Variants in GPC5 observed in about 807,000 individuals in gnomAD.
The protein encoded by GPC5 is glypican 5, also known as glypican-5.
GPC5 carries 47 observed loss-of-function variants against 53.9 expected under a neutral mutation model. The observed-to-expected ratio is 0.87, with a 90% confidence interval of 0.69 to 1.11. GPC5 has a LOEUF of 1.11. GPC5 is among the 50% of genes most tolerant of loss of function. GPC5 has a pLI of 0.00. For missense variants in GPC5, 748 were observed against 713.1 expected (o/e 1.05, Z -0.56); for synonymous variants, 286 against 263.3 (o/e 1.09, Z -0.84).
chr13:92,702,090 T>C (rs974005252), intron 7 of GPC5, among the ~76,000 whole-genome samples: 1 of 152,144 alleles, frequency 6.6e-6, no homozygotes, highest in African/African-American at 2.4e-5. Context: ...GCTTGCAGAA[T>C]ACCAAGCACT....
intron 7 of GPC5, among the ~76,000 whole-genome samples, chr13:92,351,258 C>T (rs1178998596): frequency 6.6e-6 from 1 of 151,428 alleles, no homozygotes; most frequent in Non-Finnish European, 1.5e-5. Flanking sequence ...TAACTACATA[C>T]AAAGTAGAGA....
intron 7 of GPC5, among the ~76,000 whole-genome samples, chr13:92,151,753 G>T (rs1454991178): frequency 6.6e-6 from 1 of 152,138 alleles, no homozygotes; most frequent in Non-Finnish European, 1.5e-5. Context: ...ATTTGGTGAT[G>T]AACACAGAAG....
intron 7 of GPC5, among the ~76,000 whole-genome samples, chr13:92,175,356 G>A (rs1191252075): frequency 6.6e-6 from 1 of 152,006 alleles, no homozygotes; most frequent in Non-Finnish European, 1.5e-5. Context: ...TCTAAATAGG[G>A]CTTGACACCT....
At position 91,398,709 on chromosome 13, in the gene GPC5, G is replaced by A; in HGVS notation, c.-338G>A. The A allele has an allele frequency of 7.7e-6, 2 of 259,476 alleles. No homozygotes were observed. The highest frequency in any genetic ancestry group is 1.4e-5 in the Non-Finnish European group (2 of 139,686). The allele number at this position is 259,476 out of a possible 1,614,324, so 16.1% of individuals were successfully genotyped here. On this transcript the variant is annotated 5_prime_UTR_variant, in exon 1 of 8. Transcript: ENST00000377067. ...GGCAGTGGCGGCAGTGGCGGCAGCGGCAGCAGTTGCAGCAGTGGTGGCCAG... is the reference window on the plus strand; with the variant it reads ...GGCAGTGGCGGCAGTGGCGGCAGCGACAGCAGTTGCAGCAGTGGTGGCCAG...
chr13:91,417,920 G>T (rs1023653292), intron 1 of GPC5, among the ~76,000 whole-genome samples: 1 of 152,022 alleles, frequency 6.6e-6, no homozygotes, highest in Non-Finnish European at 1.5e-5. Context: ...ACTTTCTGAG[G>T]TTTCAGTTAC....
chr13:92,331,063 G>C (rs749227049), intron 7 of GPC5, among the ~76,000 whole-genome samples: 4 of 152,070 alleles, frequency 2.6e-5, no homozygotes, highest in Non-Finnish European at 5.9e-5. Context: ...ACAAGAAAAG[G>C]TCTAAATAGA....
chr13:92,736,270 A>G (rs1888933040), intron 7 of GPC5, among the ~76,000 whole-genome samples: 1 of 152,004 alleles, frequency 6.6e-6, no homozygotes, highest in African/African-American at 2.4e-5. Flanking sequence ...ACCCAAATAT[A>G]TTCTGCTTTG....
At chr13:92,334,255 C>T (rs9584020) in intron 7 of GPC5, among the ~76,000 whole-genome samples, 30,157 of 152,138 alleles carry the variant, frequency 0.2, 3,154 homozygotes, top group South Asian at 0.36. Context: ...AAAGGCATGT[C>T]TTACATGGCA....
intron 6 of GPC5, among the ~76,000 whole-genome samples, chr13:92,091,763 G>GAA (rs758069084): frequency 1.5e-4 from 13 of 86,052 alleles, no homozygotes; most frequent in African/African-American, 1.9e-4. Context: ...CCCCCACAGT[G>GAA]AAAAAAAAAA....
chr13:91,821,925 C>T (rs1225794143), intron 5 of GPC5, among the ~76,000 whole-genome samples: 1 of 152,144 alleles, frequency 6.6e-6, no homozygotes, highest in Non-Finnish European at 1.5e-5. Context: ...TTTAATGTGT[C>T]ATACACATGC....
intron 2 of GPC5, among the ~76,000 whole-genome samples, chr13:91,532,594 A>G (rs575214878): frequency 1.3e-5 from 2 of 152,260 alleles, no homozygotes; most frequent in South Asian, 4.1e-4. Flanking sequence ...GGCCGGGCAC[A>G]GTGGTTCACA....
chr13:91,868,317 A>G (rs913309096), intron 5 of GPC5, among the ~76,000 whole-genome samples: 1 of 152,214 alleles, frequency 6.6e-6, no homozygotes, highest in African/African-American at 2.4e-5. Flanking sequence ...TGGTTGGACA[A>G]CATAAAGATT....
At chr13:91,987,283 C>T (rs1237281769) in intron 6 of GPC5, among the ~76,000 whole-genome samples, 2 of 152,124 alleles carry the variant, frequency 1.3e-5, no homozygotes, top group Non-Finnish European at 2.9e-5. Flanking sequence ...TTCTTCCCTG[C>T]CTCTCCTACT....
In GPC5 at chr13:92,097,544, C is replaced by T. The variant is rs186804020; in HGVS notation, c.1402-47286C>T. Among the ~76,000 whole-genome samples, 801 of 152,274 alleles carry T rather than the reference C, an allele frequency of 5.3e-3. 5 individuals carry two copies. The highest frequency in any genetic ancestry group is 0.014 in the Middle Eastern group (4 of 294). Reference sequence around the variant, plus strand: ...AGGGATTAAGTGTGTTACTCATAGACGTCTTACATCATCTCAGCGGAAACT... The same window carrying T: ...AGGGATTAAGTGTGTTACTCATAGATGTCTTACATCATCTCAGCGGAAACT... On this transcript the variant is annotated intron_variant, in intron 6 of 7. Coordinates refer to ENST00000377067, the MANE Select transcript of GPC5 (RefSeq NM_004466.6).
intron 4 of GPC5, among the ~76,000 whole-genome samples, chr13:91,751,330 T>C (rs961166601): frequency 2.0e-5 from 3 of 152,234 alleles, no homozygotes; most frequent in African/African-American, 7.2e-5. Context: ...AGTTTTCTTT[T>C]CCTATCATTG....
At chr13:91,685,986 T>C (rs2035615269) in intron 2 of GPC5, among the ~76,000 whole-genome samples, 1 of 151,876 alleles carries the variant, frequency 6.6e-6, no homozygotes, top group Non-Finnish European at 1.5e-5. Flanking sequence ...GGATATTGGT[T>C]TACTTGTTCT....
chr13:91,468,034 A>C (rs1882357965), intron 2 of GPC5, among the ~76,000 whole-genome samples: 1 of 152,158 alleles, frequency 6.6e-6, no homozygotes, highest in Non-Finnish European at 1.5e-5. Flanking sequence ...CTTCCTGCCC[A>C]GGCTGAAGGA....
chr13:91,771,145 T>G (rs1566674638), intron 5 of GPC5, among the ~76,000 whole-genome samples: 1 of 152,170 alleles, frequency 6.6e-6, no homozygotes, highest in Non-Finnish European at 1.5e-5. Context: ...AAAAATCTGA[T>G]AGAAAATTAG....
chr13:91,463,508 A>G (rs922757266), intron 2 of GPC5, among the ~76,000 whole-genome samples: 1 of 152,118 alleles, frequency 6.6e-6, no homozygotes, highest in Admixed American at 6.6e-5. Flanking sequence ...TAGCTGAAAC[A>G]ATTTTGAAAA....
Sources: gnomAD v4.1 joint callset for allele counts (sites outside exome capture counted in the v4.1 genomes callset) on GRCh38, gnomAD v4.1.1 for gene constraint, MANE v1.5 for transcripts, NCBI Gene and HGNC (gene_info 2026-07-23, HGNC 2026-07-21) for gene names.